The following L3MBTL4 variants were observed in gnomAD, a reference collection of about 807,000 sequenced individuals.
The protein encoded by L3MBTL4 is lethal(3)malignant brain tumor-like protein 4.
L3MBTL4 carries 70 observed loss-of-function variants against 84.5 expected under a neutral mutation model. That is an observed-to-expected ratio of 0.83 (90% CI 0.68 to 1.01). The LOEUF is 1.01. L3MBTL4 is among the 50% of genes least tolerant of loss of function. L3MBTL4 has a pLI of 0.00. For missense variants in L3MBTL4, 715 were observed against 754.8 expected (o/e 0.95, Z 0.62); for synonymous variants, 274 against 259.8 (o/e 1.05, Z -0.52).
intron 16 of L3MBTL4, among the ~76,000 whole-genome samples, chr18:6,014,272 C>A (rs372219052): frequency 4.6e-5 from 7 of 152,316 alleles, no homozygotes; most frequent in African/African-American, 1.7e-4. Flanking sequence ...TCACCTACCA[C>A]TGATGAATTC....
intron 1 of L3MBTL4, among the ~76,000 whole-genome samples, chr18:6,372,805 C>CA (rs1568569373): frequency 6.6e-6 from 1 of 151,674 alleles, no homozygotes; most frequent in Non-Finnish European, 1.5e-5. Flanking sequence ...TCTTTAAAAA[C>CA]AAAAAAAGGA....
intron 12 of L3MBTL4, among the ~76,000 whole-genome samples, chr18:6,186,409 C>T (rs1048914934): frequency 4.6e-5 from 7 of 152,194 alleles, no homozygotes; most frequent in East Asian, 1.9e-4. Flanking sequence ...CTAGGAAGGA[C>T]GCATGGAGCC....
At chr18:6,048,845 T>A (rs533925325) in intron 16 of L3MBTL4, among the ~76,000 whole-genome samples, 2 of 150,174 alleles carry the variant, frequency 1.3e-5, no homozygotes, top group Non-Finnish European at 3.0e-5. Context: ...CCTCCAGCCA[T>A]GTGATCTTCA....
At chr18:6,328,487 A>T (rs562716102) in intron 1 of L3MBTL4, among the ~76,000 whole-genome samples, 1 of 152,352 alleles carries the variant, frequency 6.6e-6, no homozygotes, top group African/African-American at 2.4e-5. Flanking sequence ...TGTTCAAATA[A>T]ACTGCCTTCC....
chr18:5,991,303 C>T (rs1204046898), intron 16 of L3MBTL4, among the ~76,000 whole-genome samples: 1 of 152,218 alleles, frequency 6.6e-6, no homozygotes, highest in Non-Finnish European at 1.5e-5. Flanking sequence ...ATTCCCATTA[C>T]TGTAAGCCTT....
At position 5,969,404 on chromosome 18, in the gene L3MBTL4, T is replaced by A. The variant is rs761754785; in HGVS notation, c.1603A>T (p.Thr535Ser). 6.2e-7 allele frequency: 1 copy of A among 1,613,872 alleles called. No homozygotes were observed. Among genetic ancestry groups the A allele is most frequent in the South Asian group, 1.1e-5 (1 of 91,070 alleles). ...DIRASQVARW[T>S]VDEVAEFVQS... ...GCAGCTCCACTCACCTCATCCACAGTCCAACGTGCCACTTGGCTGGCCCGG... is the reference window on the plus strand; with the variant it reads ...GCAGCTCCACTCACCTCATCCACAGACCAACGTGCCACTTGGCTGGCCCGG... The change falls in exon 17 of 19, where the codon ACT becomes TCT. Residue 535 changes from threonine to serine, a missense_variant. Thr to Ser is a moderately conservative substitution (Grantham distance 58). Transcript: ENST00000317931.
chr18:6,399,256 G>A (rs181708991), intron 1 of L3MBTL4, among the ~76,000 whole-genome samples: 1 of 152,196 alleles, frequency 6.6e-6, no homozygotes, highest in East Asian at 1.9e-4. Context: ...TGACCAATAT[G>A]GTGAAACCCC....
At chr18:6,035,949 G>A (rs924793977) in intron 16 of L3MBTL4, among the ~76,000 whole-genome samples, 2 of 152,140 alleles carry the variant, frequency 1.3e-5, no homozygotes. Context: ...AACCTCCCTT[G>A]CTTTTAAAGG....
At chr18:6,204,787 T>C (rs2045801402) in intron 12 of L3MBTL4, among the ~76,000 whole-genome samples, 1 of 152,206 alleles carries the variant, frequency 6.6e-6, no homozygotes, top group African/African-American at 2.4e-5. Context: ...ACTATTACAC[T>C]GAACTGTCAC....
chr18:6,247,466 A>AT (rs71163266), intron 5 of L3MBTL4, among the ~76,000 whole-genome samples: 2,764 of 49,630 alleles, frequency 0.056, 750 homozygotes, highest in Non-Finnish European at 0.07. Context: ...CCCTCCTCTG[A>AT]TTTTTTTTTT....
At chr18:6,264,618 T>C (rs537987352) in intron 4 of L3MBTL4, among the ~76,000 whole-genome samples, 5 of 152,260 alleles carry the variant, frequency 3.3e-5, no homozygotes, top group Admixed American at 3.3e-4. Context: ...ACCCCGTCTC[T>C]ACTAAAAATA....
intron 15 of L3MBTL4, among the ~76,000 whole-genome samples, chr18:6,084,439 A>C (rs7244649): frequency 0.013 from 1,991 of 152,298 alleles, 47 homozygotes; most frequent in African/African-American, 0.046. Flanking sequence ...ATGGTCCATA[A>C]GTTCAAAAAA....
chr18:6,203,805 C>G (rs1353024231), intron 12 of L3MBTL4, among the ~76,000 whole-genome samples: 6 of 152,126 alleles, frequency 3.9e-5, no homozygotes, highest in African/African-American at 1.4e-4. Context: ...CTAACCAGCT[C>G]CCAGGTGATG....
intron 1 of L3MBTL4, among the ~76,000 whole-genome samples, chr18:6,376,033 A>G (rs567289665): frequency 2.0e-4 from 30 of 152,274 alleles, no homozygotes; most frequent in African/African-American, 6.5e-4. Flanking sequence ...GGAAACTCCA[A>G]ACTCGTCACT....
At chr18:6,130,676 T>A (rs1425679466) in intron 14 of L3MBTL4, among the ~76,000 whole-genome samples, 1 of 152,236 alleles carries the variant, frequency 6.6e-6, no homozygotes, top group Non-Finnish European at 1.5e-5. Context: ...GGAGTCTGTG[T>A]TCTACTCATT....
intron 14 of L3MBTL4, among the ~76,000 whole-genome samples, chr18:6,110,691 T>C (rs761576704): frequency 2.0e-5 from 3 of 151,660 alleles, no homozygotes; most frequent in Non-Finnish European, 4.4e-5. Context: ...TTGTGCAGGA[T>C]GTGAGTGTGT....
chr18:6,368,210 G>A (rs1024065494), intron 1 of L3MBTL4, among the ~76,000 whole-genome samples: 4 of 151,970 alleles, frequency 2.6e-5, no homozygotes, highest in Non-Finnish European at 4.4e-5. Context: ...CCTGCTCTGT[G>A]CTGCTTCTCC....
In L3MBTL4 at chr18:6,394,098, T is replaced by C. The variant is rs1187452847; in HGVS notation, c.-91+20703A>G. 4.6e-5 allele frequency among the ~76,000 whole-genome samples: 7 copies of C among 152,216 alleles called. No individual in the cohort carries two copies. The East Asian group carries it at 1.4e-3, about 29-fold the overall frequency. On this transcript the variant is annotated intron_variant, in intron 1 of 18. Transcript: ENST00000317931. ...TCTCACTACCCTTTCAACACAACAA[T>C]CTGCCCCCAGCCCAGTGCTGCCACT... is the stretch of plus-strand genomic sequence containing the variant.
intron 14 of L3MBTL4, among the ~76,000 whole-genome samples, chr18:6,098,052 T>C (rs2058698696): frequency 6.6e-6 from 1 of 152,220 alleles, no homozygotes; most frequent in Admixed American, 6.5e-5. Flanking sequence ...TGGTGATTAC[T>C]GTTGCCAAAC....
Sources: allele counts gnomAD v4.1 joint callset (sites outside exome capture counted in the v4.1 genomes callset), GRCh38; gene constraint gnomAD v4.1.1; transcripts MANE v1.5; gene names NCBI Gene and HGNC (gene_info 2026-07-23, HGNC 2026-07-21).